PGM1: variants seen among roughly 807,000 people sequenced by gnomAD.
PGM1 encodes the protein phosphoglucomutase-1.
In PGM1, 52 loss-of-function variants were observed where a neutral mutation model predicts 55.6. That is an observed-to-expected ratio of 0.94 (90% CI 0.75 to 1.18). PGM1 has a LOEUF of 1.18. Among genes scored for constraint, PGM1 ranks in the 50% most tolerant of loss-of-function variants. PGM1 has a pLI of 0.00. For missense variants in PGM1, 724 were observed against 729.3 expected (o/e 0.99, Z 0.08); for synonymous variants, 287 against 271.7 (o/e 1.06, Z -0.55).
intron 1 of PGM1, among the ~76,000 whole-genome samples, chr1:63,618,783 G>A (rs564808478): frequency 7.2e-5 from 11 of 152,246 alleles, no homozygotes; most frequent in African/African-American, 2.6e-4. Context: ...CGCCAAAAGG[G>A]ATTCTCCAGT....
At chr1:63,615,963 C>CG (rs1648701505) in intron 1 of PGM1, among the ~76,000 whole-genome samples, 1 of 152,106 alleles carries the variant, frequency 6.6e-6, no homozygotes, top group Non-Finnish European at 1.5e-5. Flanking sequence ...GAGTGAAGCA[C>CG]TGCCCCTTAC....
intron 4 of PGM1, among the ~76,000 whole-genome samples, chr1:63,634,406 A>G (rs72920880): frequency 6.6e-6 from 1 of 152,178 alleles, no homozygotes; most frequent in Non-Finnish European, 1.5e-5. Context: ...TAACTTTCCC[A>G]AAATTATTAT....
chr1:63,630,092 T>G lies in PGM1; in HGVS notation c.556+4T>G. Reference sequence around the variant, plus strand: ...AATAAGTTCAAACCCTTCACAGGCATGTTTACTTTCCTCCTCTTTCTGCCC... The same window carrying G: ...AATAAGTTCAAACCCTTCACAGGCAGGTTTACTTTCCTCCTCTTTCTGCCC... On this transcript the variant is annotated splice_donor_region_variant and intron_variant, in intron 3 of 10. Coordinates refer to ENST00000371084, the MANE Select transcript of PGM1 (RefSeq NM_002633.3). The G allele has an allele frequency of 6.2e-7, 1 of 1,613,834 alleles. No individual in the cohort carries two copies. The highest frequency in any genetic ancestry group is 1.1e-5 in the South Asian group (1 of 91,086).
chr1:63,611,161 C>T (rs1648554090), intron 1 of PGM1, among the ~76,000 whole-genome samples: 3 of 152,056 alleles, frequency 2.0e-5, no homozygotes, highest in South Asian at 4.1e-4. Flanking sequence ...AGAAGTGCCT[C>T]GTTAGGGTGT....
At chr1:63,647,472 C>T (rs1570511676) in intron 7 of PGM1, among the ~76,000 whole-genome samples, 1 of 147,380 alleles carries the variant, frequency 6.8e-6, no homozygotes, top group East Asian at 2.0e-4. Flanking sequence ...TTTATGAATA[C>T]CGAATTTACA....
chr1:63,595,570 GA>G (rs1340397098), intron 1 of PGM1, among the ~76,000 whole-genome samples: 2 of 151,822 alleles, frequency 1.3e-5, no homozygotes, highest in African/African-American at 4.9e-5. Context: ...AAATTCCCAT[GA>G]AAGAAGAACA....
Position 63,593,696 on chromosome 1 carries a change from G to A in PGM1, c.208G>A (p.Ala70Thr), listed in dbSNP as rs765829037. ...GGACGGCCGGTTCTACATGAAGGAG[G>A]CCATCCAGCTCATCGCTCGCATCGC... The part of the protein sequence containing the change: ...GGDGRFYMKE[A>T]IQLIARIAAA... The change falls in exon 1 of 11, where the codon GCC (alanine) becomes ACC (threonine). Residue 70 changes from alanine to threonine, a missense_variant. Transcript: ENST00000371084. The A allele has an allele frequency of 1.2e-6, 2 of 1,603,492 alleles. No homozygotes were observed. The highest frequency in any genetic ancestry group is 1.7e-6 in the Non-Finnish European group (2 of 1,176,488).
chr1:63,621,480 A>G (rs1418311367), intron 1 of PGM1, among the ~76,000 whole-genome samples: 3 of 152,204 alleles, frequency 2.0e-5, no homozygotes, highest in African/African-American at 4.8e-5. Context: ...ATCTGGATCT[A>G]TTATCGGATA....
At chr1:63,615,720 C>T (rs1021476674) in intron 1 of PGM1, among the ~76,000 whole-genome samples, 4 of 151,648 alleles carry the variant, frequency 2.6e-5, no homozygotes, top group African/African-American at 4.9e-5. Flanking sequence ...TGCCACCATG[C>T]CTGGCTAATT....
At chr1:63,595,958 C>G (rs1025037945) in intron 1 of PGM1, among the ~76,000 whole-genome samples, 2 of 152,200 alleles carry the variant, frequency 1.3e-5, no homozygotes, top group Non-Finnish European at 2.9e-5. Flanking sequence ...TTCTCACCTC[C>G]GGTTTACTCG....
At chr1:63,618,528 T>A (rs4915906) in intron 1 of PGM1, among the ~76,000 whole-genome samples, 1 of 152,062 alleles carries the variant, frequency 6.6e-6, no homozygotes, top group South Asian at 2.1e-4. Flanking sequence ...TACCTAGTTT[T>A]CCCCCCCTTA....
At chr1:63,652,657 C>G (rs1358211231) in intron 9 of PGM1, among the ~76,000 whole-genome samples, 3 of 152,192 alleles carry the variant, frequency 2.0e-5, no homozygotes, top group African/African-American at 7.2e-5. Flanking sequence ...TCCCAGTTTA[C>G]TTTTTTCCAA....
chr1:63,609,060 G>A (rs11208251), intron 1 of PGM1, among the ~76,000 whole-genome samples: 46,497 of 151,988 alleles, frequency 0.31, 7,689 homozygotes, highest in Middle Eastern at 0.38. Flanking sequence ...GCCTAGGGAG[G>A]GTCTTTGTGC....
chr1:63,601,541 T>G (rs1248678959), intron 1 of PGM1, among the ~76,000 whole-genome samples: 2 of 152,200 alleles, frequency 1.3e-5, no homozygotes, highest in African/African-American at 4.8e-5. Flanking sequence ...TTCTGCTGAC[T>G]TTGAAGCTGT....
intron 10 of PGM1, 87 bp downstream of exon 10, chr1:63,654,553 CT>C: frequency 7.8e-7 from 1 of 1,288,800 alleles, no homozygotes; most frequent in South Asian, 1.2e-5. Context: ...ATGCCCATTT[CT>C]CAAATGACTC....
intron 1 of PGM1, among the ~76,000 whole-genome samples, chr1:63,597,765 G>T (rs1000928021): frequency 1.3e-5 from 2 of 152,198 alleles, no homozygotes; most frequent in Non-Finnish European, 2.9e-5. Context: ...CAGAAATTGA[G>T]GAGAGTTTAA....
At position 63,629,496 on chromosome 1, in the gene PGM1, C is replaced by A. The variant is rs781551165; in HGVS notation, c.318C>A (p.Ile106=). Residue 106 remains isoleucine (I), a synonymous_variant, in exon 2 of 11, where the codon ATC becomes ATA. Transcript: ENST00000371084. ...CTGTATCCTGCATCATTAGAAAAAT[C>A]AAAGCCATTGGTGGGATCATTCTGA... ...TPAVSCIIRK[I]KAIGGIILTA... 1 of 1,613,464 alleles carries A rather than the reference C, an allele frequency of 6.2e-7. No individual in the cohort carries two copies. The highest frequency in any genetic ancestry group is 2.2e-5 in the East Asian group (1 of 44,862).
intron 10 of PGM1, 22 bp from the exon 11 acceptor site, chr1:63,659,564 C>T (rs1277844417): frequency 1.9e-6 from 3 of 1,592,086 alleles, no homozygotes; most frequent in Non-Finnish European, 2.6e-6. Context: ...GATGGAAAAG[C>T]TTCTCTCTAT....
chr1:63,625,581 C>A (rs557552457), intron 1 of PGM1, among the ~76,000 whole-genome samples: 1 of 152,170 alleles, frequency 6.6e-6, no homozygotes, highest in African/African-American at 2.4e-5. Flanking sequence ...GGGAGGAAAT[C>A]TAAAGGAAGG....
Sources: gnomAD v4.1 joint callset for allele counts (sites outside exome capture counted in the v4.1 genomes callset) on GRCh38, gnomAD v4.1.1 for gene constraint, MANE v1.5 for transcripts, NCBI Gene and HGNC (gene_info 2026-07-23, HGNC 2026-07-21) for gene names.